ATP8A2: variants seen among roughly 807,000 people sequenced by gnomAD.
ATP8A2 encodes the protein ATPase phospholipid transporting 8A2, also known as phospholipid-transporting ATPase IB.
ATP8A2 carries 100 observed loss-of-function variants against 165.6 expected under a neutral mutation model. The observed-to-expected ratio is 0.60, with a 90% confidence interval of 0.51 to 0.71. The LOEUF (loss-of-function observed/expected upper bound fraction) is 0.71. ATP8A2 is among the 30% of genes least tolerant of loss of function. The pLI, the probability that ATP8A2 is intolerant of heterozygous loss-of-function variation, is 0.00. For missense variants in ATP8A2, 1,227 were observed against 1,479.5 expected, an observed-to-expected ratio of 0.83 and a Z score of 2.80; for synonymous variants, 543 against 548.8, an observed-to-expected ratio of 0.99 and a Z score of 0.15.
chr13:25,873,575 T>G (rs924402797), intron 33 of ATP8A2, among the ~76,000 whole-genome samples: 1 of 152,184 alleles, frequency 6.6e-6, no homozygotes, highest in Admixed American at 6.5e-5. Context: ...CCTTTTTGAG[T>G]TTCAGTCCTC....
intron 35 of ATP8A2, among the ~76,000 whole-genome samples, chr13:25,975,193 T>A (rs1027060575): frequency 6.6e-6 from 1 of 152,136 alleles, no homozygotes; most frequent in African/African-American, 2.4e-5. Flanking sequence ...ACAAATGCCG[T>A]CCACCTCAGG....
chr13:25,435,820 C>A (rs1192766255), intron 1 of ATP8A2, among the ~76,000 whole-genome samples: 2 of 152,052 alleles, frequency 1.3e-5, no homozygotes, highest in Non-Finnish European at 2.9e-5. Flanking sequence ...AATCATGGAA[C>A]AAGAATCTTA....
At chr13:25,465,719 CTTTCTTTCTTTCTTTCTT>C (rs2035635115) in intron 1 of ATP8A2, among the ~76,000 whole-genome samples, 3 of 40,300 alleles carry the variant, frequency 7.4e-5, no homozygotes, top group African/African-American at 9.0e-5. Context: ...TTCTTTCTTT[CTTTCTTTCTTTCTTTCTT>C]TCCCTCCCTC....
intron 24 of ATP8A2, among the ~76,000 whole-genome samples, chr13:25,607,582 A>T (rs1319085744): frequency 1.3e-5 from 2 of 152,194 alleles, no homozygotes; most frequent in Admixed American, 6.5e-5. Context: ...AAATTGTAAC[A>T]TATTTACTAT....
At chr13:25,971,685 C>T (rs1009305984) in intron 35 of ATP8A2, among the ~76,000 whole-genome samples, 1 of 152,032 alleles carries the variant, frequency 6.6e-6, no homozygotes, top group Non-Finnish European at 1.5e-5. Context: ...GCTCGTGTGT[C>T]GGATGTGCAC....
intron 1 of ATP8A2, among the ~76,000 whole-genome samples, chr13:25,453,148 G>A (rs1208767022): frequency 5.9e-5 from 9 of 151,586 alleles, no homozygotes; most frequent in South Asian, 2.1e-4. Flanking sequence ...TTTTTGAAAC[G>A]AAGTTTTCGC....
At chr13:25,602,169 T>C (rs1453837881) in intron 24 of ATP8A2, among the ~76,000 whole-genome samples, 3 of 152,220 alleles carry the variant, frequency 2.0e-5, no homozygotes, top group African/African-American at 7.2e-5. Context: ...TAATTTGTTT[T>C]TAGGCATGTC....
At chr13:25,377,296 G>A (rs538585220) in intron 1 of ATP8A2, among the ~76,000 whole-genome samples, 3 of 152,192 alleles carry the variant, frequency 2.0e-5, no homozygotes, top group Admixed American at 1.3e-4. Context: ...AAAGTGCTCA[G>A]CACAAATGTT....
At chr13:26,013,093 G>A (rs1956883977) in intron 36 of ATP8A2, among the ~76,000 whole-genome samples, 1 of 151,390 alleles carries the variant, frequency 6.6e-6, no homozygotes, top group Non-Finnish European at 1.5e-5. Flanking sequence ...GATTCCAGAG[G>A]AGAGTGGGAG....
At chr13:25,836,294 G>A (rs1951604318) in intron 28 of ATP8A2, among the ~76,000 whole-genome samples, 1 of 152,140 alleles carries the variant, frequency 6.6e-6, no homozygotes, top group African/African-American at 2.4e-5. Context: ...GTCTGCTGGG[G>A]CCGAGTGCAG....
chr13:25,796,242 C>T (rs1354994323), intron 27 of ATP8A2, among the ~76,000 whole-genome samples: 1 of 152,186 alleles, frequency 6.6e-6, no homozygotes, highest in African/African-American at 2.4e-5. Flanking sequence ...AGCCACCGCG[C>T]CCGGCCCATA....
chr13:25,873,492 T>C (rs1006879133), intron 33 of ATP8A2, among the ~76,000 whole-genome samples: 1 of 152,192 alleles, frequency 6.6e-6, no homozygotes, highest in African/African-American at 2.4e-5. Context: ...GGTTCCTTTA[T>C]TATGTAAGTG....
chr13:26,010,828 T>A (rs1956829764), intron 35 of ATP8A2, among the ~76,000 whole-genome samples: 1 of 152,244 alleles, frequency 6.6e-6, no homozygotes, highest in Non-Finnish European at 1.5e-5. Context: ...ATGAGACGTT[T>A]TGCCAAGCTT....
chr13:25,410,334 G>C (rs1341945631), intron 1 of ATP8A2, among the ~76,000 whole-genome samples: 1 of 152,104 alleles, frequency 6.6e-6, no homozygotes, highest in Admixed American at 6.5e-5. Flanking sequence ...TGTTCTGTCA[G>C]AATGAATTTA....
chr13:25,602,388 C>T (rs1417081232), intron 24 of ATP8A2, among the ~76,000 whole-genome samples: 1 of 152,152 alleles, frequency 6.6e-6, no homozygotes, highest in East Asian at 1.9e-4. Context: ...TTGGAGCCGA[C>T]TTGCTGGGAG....
intron 33 of ATP8A2, among the ~76,000 whole-genome samples, chr13:25,939,282 G>C (rs1955001815): frequency 6.6e-6 from 1 of 152,194 alleles, no homozygotes; most frequent in Non-Finnish European, 1.5e-5. Flanking sequence ...CAGGTGCTAA[G>C]AGGCAGTGCT....
At chr13:25,902,115 C>T (rs1313794133) in intron 33 of ATP8A2, among the ~76,000 whole-genome samples, 1 of 151,956 alleles carries the variant, frequency 6.6e-6, no homozygotes, top group Non-Finnish European at 1.5e-5. Context: ...TTAAAAAGGA[C>T]AATGAAAAAG....
At chr13:25,942,453 G>T (rs980946469) in intron 33 of ATP8A2, among the ~76,000 whole-genome samples, 2 of 151,794 alleles carry the variant, frequency 1.3e-5, no homozygotes, top group South Asian at 2.1e-4. Context: ...ATGAAGTCTC[G>T]CTCTTGTACC....
chr13:25,387,043 CT>C (rs1480988582), intron 1 of ATP8A2, among the ~76,000 whole-genome samples: 1 of 152,182 alleles, frequency 6.6e-6, no homozygotes, highest in African/African-American at 2.4e-5. Flanking sequence ...TCAGTCACTT[CT>C]CTCTGGACTT....
Sources: gnomAD v4.1 joint callset for allele counts (sites outside exome capture counted in the v4.1 genomes callset) on GRCh38, gnomAD v4.1.1 for gene constraint, MANE v1.5 for transcripts, NCBI Gene and HGNC (gene_info 2026-07-23, HGNC 2026-07-21) for gene names.